Variants in PLD5 observed in about 807,000 individuals in gnomAD.
The protein encoded by PLD5 is phospholipase D family member 5.
A neutral mutation model predicts 61.1 loss-of-function variants in PLD5; 36 were observed. The ratio of observed to expected loss-of-function variants is 0.59; its 90% CI spans 0.45 to 0.78. The LOEUF (loss-of-function observed/expected upper bound fraction) is 0.78, where lower values mean the gene tolerates loss of function less well. Among genes scored for constraint, PLD5 ranks in the 30% least tolerant of loss-of-function variants. The pLI is 0.00. For missense variants in PLD5, 515 were observed against 644.4 expected (o/e 0.80, Z 2.17); for synonymous variants, 243 against 242.8 (o/e 1.00, Z -0.01).
intron 5 of PLD5, among the ~76,000 whole-genome samples, chr1:242,207,038 C>T (rs947108077): frequency 6.6e-6 from 1 of 152,070 alleles, no homozygotes; most frequent in Non-Finnish European, 1.5e-5. Flanking sequence ...TTTGGGAAAC[C>T]CCACTCTTGT....
chr1:242,490,965 C>G (rs1668131197), intron 1 of PLD5, among the ~76,000 whole-genome samples: 1 of 152,204 alleles, frequency 6.6e-6, no homozygotes, highest in South Asian at 2.1e-4. Flanking sequence ...TTCTTGCACA[C>G]CAGGCTTTGA....
intron 5 of PLD5, among the ~76,000 whole-genome samples, chr1:242,197,662 C>T (rs1473139139): frequency 1.3e-5 from 2 of 149,564 alleles, no homozygotes; most frequent in African/African-American, 2.5e-5. Context: ...TGAGACGGAG[C>T]CTTGCTCTGT....
At chr1:242,286,495 G>A (rs1438427472) in intron 3 of PLD5, among the ~76,000 whole-genome samples, 2 of 152,118 alleles carry the variant, frequency 1.3e-5, no homozygotes, top group Admixed American at 6.5e-5. Context: ...ACGGGAAACT[G>A]GGGGCTGCCA....
chr1:242,116,398 C>T (rs914472838), intron 6 of PLD5, among the ~76,000 whole-genome samples: 8 of 152,078 alleles, frequency 5.3e-5, no homozygotes, highest in East Asian at 1.9e-4. Flanking sequence ...CAAGATGAGT[C>T]GGTTTTTTAA....
chr1:242,090,212 C>A, intron 9 of PLD5, 102 bp from the exon 10 acceptor site: 2 of 1,443,132 alleles, frequency 1.4e-6, no homozygotes, highest in East Asian at 2.4e-5. Flanking sequence ...TCATCAACAT[C>A]CAGGAATAAC....
intron 5 of PLD5, among the ~76,000 whole-genome samples, chr1:242,134,035 A>G (rs1034907898): frequency 3.9e-5 from 6 of 152,156 alleles, no homozygotes; most frequent in Non-Finnish European, 8.8e-5. Flanking sequence ...AGGTCATTCC[A>G]GTTTCAGTGG....
intron 2 of PLD5, among the ~76,000 whole-genome samples, chr1:242,313,593 C>T (rs1309874835): frequency 6.6e-6 from 1 of 152,134 alleles, no homozygotes; most frequent in African/African-American, 2.4e-5. Flanking sequence ...GGAGTAAAGG[C>T]ACCTTTTTCT....
At chr1:242,226,037 AC>A (rs1670919902) in intron 4 of PLD5, among the ~76,000 whole-genome samples, 1 of 152,162 alleles carries the variant, frequency 6.6e-6, no homozygotes, top group Admixed American at 6.6e-5. Flanking sequence ...CCTTGCCAGA[AC>A]CTGGTACTAC....
intron 5 of PLD5, chr1:242,210,750 C>G (rs1045528719): frequency 6.6e-6 from 1 of 152,176 alleles, no homozygotes; most frequent in Non-Finnish European, 1.5e-5. Flanking sequence ...AATGGCCCCA[C>G]CCCTATCTCC....
intron 4 of PLD5, among the ~76,000 whole-genome samples, chr1:242,257,581 C>T (rs1489499222): frequency 2.6e-5 from 4 of 152,126 alleles, no homozygotes; most frequent in South Asian, 2.1e-4. Context: ...TTAATAACAA[C>T]GTACAAGATT....
At chr1:242,199,226 T>C (rs1668833007) in intron 5 of PLD5, among the ~76,000 whole-genome samples, 1 of 152,136 alleles carries the variant, frequency 6.6e-6, no homozygotes, top group Non-Finnish European at 1.5e-5. Context: ...GCTTTATTTT[T>C]TTAAATGTTA....
At chr1:242,366,371 T>C (rs1661340646) in intron 1 of PLD5, among the ~76,000 whole-genome samples, 1 of 152,196 alleles carries the variant, frequency 6.6e-6, no homozygotes, top group African/African-American at 2.4e-5. Flanking sequence ...CTATCATCAG[T>C]TACACAGTTT....
At chr1:242,404,078 G>A (rs2149281175) in intron 1 of PLD5, among the ~76,000 whole-genome samples, 1 of 152,268 alleles carries the variant, frequency 6.6e-6, no homozygotes, top group East Asian at 1.9e-4. Flanking sequence ...AGAGCTGTGG[G>A]CAACAGAAAC....
At chr1:242,267,492 A>T (rs1303422701) in intron 3 of PLD5, among the ~76,000 whole-genome samples, 1 of 152,126 alleles carries the variant, frequency 6.6e-6, no homozygotes, top group African/African-American at 2.4e-5. Context: ...AAAGTGATTA[A>T]ATTTCTCTGT....
chr1:242,328,069 G>T (rs1182341634), intron 2 of PLD5, among the ~76,000 whole-genome samples: 2 of 152,102 alleles, frequency 1.3e-5, no homozygotes, highest in East Asian at 3.9e-4. Context: ...AGGAGACCCT[G>T]CTGCTAAAAA....
At chr1:242,361,042 C>G (rs1337744512) in intron 1 of PLD5, among the ~76,000 whole-genome samples, 1 of 152,064 alleles carries the variant, frequency 6.6e-6, no homozygotes, top group East Asian at 1.9e-4. Context: ...AAGACAATAT[C>G]AATCATTTGT....
chr1:242,361,419 G>A (rs1241995355), intron 1 of PLD5, among the ~76,000 whole-genome samples: 1 of 152,018 alleles, frequency 6.6e-6, no homozygotes, highest in Non-Finnish European at 1.5e-5. Context: ...AAACTTCAGG[G>A]AACCAAGAGA....
In PLD5 at chr1:242,318,026, C is replaced by T. The variant is rs183950838; in HGVS notation, c.327-29496G>A. ...AGGCATAAAAAAGCTTTGCTTATAT[C>T]GGTGCCTTTATCTGAGCTTGAAAGG... is the stretch of plus-strand genomic sequence containing the variant. On this transcript the variant is annotated intron_variant, in intron 2 of 9. Coordinates refer to ENST00000536534, the MANE Select transcript of PLD5 (RefSeq NM_001372062.1). Among the ~76,000 whole-genome samples the T allele has an allele frequency of 4.6e-5, 7 of 152,224 alleles. No homozygotes were observed. The East Asian group carries it at 7.7e-4, about 17-fold the overall frequency.
intron 1 of PLD5, among the ~76,000 whole-genome samples, chr1:242,465,647 G>A (rs1000831905): frequency 6.6e-6 from 1 of 152,042 alleles, no homozygotes; most frequent in Non-Finnish European, 1.5e-5. Flanking sequence ...TGCCAGGCAC[G>A]GCCGGGCACA....
Sources: allele counts gnomAD v4.1 joint callset (sites outside exome capture counted in the v4.1 genomes callset), GRCh38; gene constraint gnomAD v4.1.1; transcripts MANE v1.5; gene names NCBI Gene and HGNC (gene_info 2026-07-23, HGNC 2026-07-21).